Variants in ADAMTS13 observed in about 807,000 individuals in gnomAD.
The protein encoded by ADAMTS13 is ADAM metallopeptidase with thrombospondin type 1 motif 13, also known as A disintegrin and metalloproteinase with thrombospondin motifs 13.
ADAMTS13 carries 110 observed loss-of-function variants against 155.1 expected under a neutral mutation model. The observed-to-expected ratio is 0.71, with a 90% confidence interval of 0.61 to 0.83. ADAMTS13 has a LOEUF of 0.83. Ranked by LOEUF, ADAMTS13 falls within the 40% of genes least tolerant of loss-of-function variation. ADAMTS13 has a pLI of 0.00. For synonymous variants in ADAMTS13, 758 were observed against 756.4 expected (o/e 1.00, Z -0.03); for missense variants, 1,707 against 1,891.7 (o/e 0.90, Z 1.81).
intron 11 of ADAMTS13, among the ~76,000 whole-genome samples, chr9:133,436,587 C>T (rs900622657): frequency 6.6e-6 from 1 of 152,146 alleles, no homozygotes; most frequent in Admixed American, 6.5e-5. Context: ...AATGCTCTTT[C>T]CTGGCTTTCT....
At chr9:133,416,188 A>G (rs2130742854) in intron 1 of ADAMTS13, among the ~76,000 whole-genome samples, 1 of 152,200 alleles carries the variant, frequency 6.6e-6, no homozygotes, top group East Asian at 1.9e-4. Flanking sequence ...TTGCGTGGTG[A>G]GAGAGCAAGC....
chr9:133,440,266 A>C lies in ADAMTS13; in HGVS notation c.1787-78A>C. 267 of 1,563,468 alleles carry C rather than the reference A, an allele frequency of 1.7e-4. No homozygotes were observed. The highest frequency in any genetic ancestry group is 2.0e-4 in the Non-Finnish European group (227 of 1,140,718). ...TAGAGGAGGGCTGGGGACCCCGGGAAGGAGAGTCACTGACATGTGCCTGTG... is the reference window on the plus strand; with the variant it reads ...TAGAGGAGGGCTGGGGACCCCGGGACGGAGAGTCACTGACATGTGCCTGTG... On this transcript the variant is annotated intron_variant, in intron 15 of 28. Coordinates refer to ENST00000355699, the MANE Select transcript of ADAMTS13 (RefSeq NM_139027.6). This position sits in a 1 kb window ranked among gnomAD's most constrained non-coding sequence, Gnocchi z 4.3.
chr9:133,452,793 A>G (rs966303795), intron 23 of ADAMTS13, among the ~76,000 whole-genome samples: 2 of 152,004 alleles, frequency 1.3e-5, no homozygotes, highest in African/African-American at 4.8e-5. Context: ...GCAGGCACAC[A>G]CTACATGAGC....
chr9:133,424,220 C>T lies in ADAMTS13; in HGVS notation c.173-101C>T, dbSNP rs1350263637. Reference sequence around the variant, plus strand: ...GGGGTGACACGCAATGTCTTGACTTCGGAAGGCCATCCTTCCAAGACCTGC... The same window carrying T: ...GGGGTGACACGCAATGTCTTGACTTTGGAAGGCCATCCTTCCAAGACCTGC... On this transcript the variant is annotated intron_variant, in intron 2 of 28. Transcript: ENST00000355699. The surrounding 1 kb of genome is among the most constrained non-coding windows in gnomAD (Gnocchi z 4.3). The T allele has an allele frequency of 8.3e-6, 13 of 1,562,034 alleles. No homozygotes were observed. The highest frequency in any genetic ancestry group is 4.5e-5 in the East Asian group (2 of 44,664).
At chr9:133,457,675 A>G (rs950152371) in intron 27 of ADAMTS13, among the ~76,000 whole-genome samples, 1 of 152,234 alleles carries the variant, frequency 6.6e-6, no homozygotes, top group Non-Finnish European at 1.5e-5. Flanking sequence ...TGCTCAGTGC[A>G]TGCCATTGTT....
chr9:133,423,037 A>G, intron 1 of ADAMTS13, 64 bp from the exon 2 acceptor site: 2 of 1,479,510 alleles, frequency 1.4e-6, no homozygotes, highest in Non-Finnish European at 1.9e-6. Flanking sequence ...CGGTCTCCCC[A>G]AGTGTTAGGA....
Position 133,448,867 on chromosome 9 carries a change from C to T in ADAMTS13, c.2861+139C>T, listed in dbSNP as rs587596368. On this transcript the variant is annotated intron_variant, in intron 22 of 28. Coordinates refer to ENST00000355699, the MANE Select transcript of ADAMTS13 (RefSeq NM_139027.6). Reference sequence around the variant, plus strand: ...CTGTGTGAGGCTGGACCATGGCCGCCCCATCCCCCTGCCTCACTCCAAGTG... The same window carrying T: ...CTGTGTGAGGCTGGACCATGGCCGCTCCATCCCCCTGCCTCACTCCAAGTG... 11 of 1,367,150 alleles carry T rather than the reference C, an allele frequency of 8.0e-6. No individual in the cohort carries two copies. In the East Asian group the frequency reaches 2.8e-4, roughly 35 times the overall value. The allele number at this position is 1,367,150 out of a possible 1,614,324, so 84.7% of individuals were successfully genotyped here.
intron 15 of ADAMTS13, 83 bp downstream of exon 15, chr9:133,439,529 C>G: frequency 2.4e-6 from 3 of 1,262,904 alleles, no homozygotes; most frequent in Non-Finnish European, 3.5e-6. Context: ...TCACTTCTGA[C>G]ATCACCCGCA....
chr9:133,419,200 G>C (rs901126894), upstream of ADAMTS13, among the ~76,000 whole-genome samples: 1 of 152,288 alleles, frequency 6.6e-6, no homozygotes, highest in Middle Eastern at 3.4e-3. Flanking sequence ...TAACAGGGAA[G>C]TGAGGCTCCT....
intron 23 of ADAMTS13, among the ~76,000 whole-genome samples, chr9:133,453,271 C>T (rs1430956363): frequency 6.6e-6 from 1 of 152,246 alleles, no homozygotes; most frequent in Admixed American, 6.5e-5. Context: ...CCTGTCTCTA[C>T]TAAAAATACA....
intron 9 of ADAMTS13, among the ~76,000 whole-genome samples, chr9:133,433,026 T>C (rs1387471346): frequency 6.9e-6 from 1 of 145,678 alleles, no homozygotes; most frequent in Non-Finnish European, 1.5e-5. Context: ...GTAGAGTCCC[T>C]GTGGGTGGGG....
intron 13 of ADAMTS13, 43 bp downstream of exon 13, chr9:133,437,940 G>C: frequency 6.2e-7 from 1 of 1,611,638 alleles, no homozygotes; most frequent in South Asian, 1.1e-5. Context: ...GGGCCTACCT[G>C]TCCTATCGGA....
rs1191990424 is a variant in ADAMTS13, at chr9:133,439,302, T to A, written c.1706-64T>A. 3.9e-6 allele frequency: 5 copies of A among 1,274,982 alleles called. No homozygotes were observed. The Admixed American group carries it at 8.4e-5, about 21-fold the overall frequency. The allele number at this position is 1,274,982 out of a possible 1,614,324, so 79.0% of individuals were successfully genotyped here. ...TTTTTCCCGACCAGCTAAGATCAGC[T>A]CCCTTTGTCTGTGGTGTGGTGGCTG... On this transcript the variant is annotated intron_variant, in intron 14 of 28. Transcript: ENST00000355699.
At position 133,458,100 on chromosome 9, in the gene ADAMTS13, G is replaced by A. The variant is rs782456272; in HGVS notation, c.3909+6G>A. The A allele has an allele frequency of 5.6e-6, 9 of 1,612,710 alleles. No homozygotes were observed. The highest frequency in any genetic ancestry group is 5.0e-5 in the Admixed American group (3 of 59,956). The stretch of plus-strand genomic sequence containing the variant: ...CCAATGCCAGCTACATCTTGGTGAG[G>A]CCCAGCATGGGGACTTGTGCTGTGA... On this transcript the variant is annotated splice_donor_region_variant and intron_variant, in intron 28 of 28. Transcript: ENST00000355699.
At chr9:133,443,603 G>A (rs782464709) in intron 19 of ADAMTS13, 42 bp downstream of exon 19, 1 of 1,508,370 alleles carries the variant, frequency 6.6e-7, no homozygotes. Context: ...GGCCTTCCTG[G>A]CAGAGCTCGT....
intron 1 of ADAMTS13, chr9:133,414,910 C>G: frequency 6.2e-7 from 1 of 1,614,054 alleles, no homozygotes; most frequent in Non-Finnish European, 8.5e-7. Flanking sequence ...GAGGCGAGGT[C>G]TCTTTTTTGT....
rs973881760 is a variant in ADAMTS13 at position 133,444,818 on chromosome 9, G to A, written c.2421-45G>A. ...TAGCAGCTGGGCTATACCTTCCCCT[G>A]GGTGGCAGAGGCAGGGCCTGATGAC... On this transcript the variant is annotated intron_variant, in intron 19 of 28. Coordinates refer to ENST00000355699, the MANE Select transcript of ADAMTS13 (RefSeq NM_139027.6). 1.9e-6 allele frequency: 3 copies of A among 1,602,360 alleles called. No individual in the cohort carries two copies. The African/African-American group carries it at 4.0e-5, about 21-fold the overall frequency.
Position 133,422,422 on chromosome 9 carries a change from C to T in ADAMTS13, c.-22C>T, listed in dbSNP as rs782561704. On this transcript the variant is annotated 5_prime_UTR_variant, in exon 1 of 29. Coordinates refer to ENST00000355699, the MANE Select transcript of ADAMTS13 (RefSeq NM_139027.6). ...AGGCCCCCTCTCACTCCGCTCCACTCCTCGGGCTGGCTCTCCTGAGGATGC... is the reference window on the plus strand; with the variant it reads ...AGGCCCCCTCTCACTCCGCTCCACTTCTCGGGCTGGCTCTCCTGAGGATGC... 9 of 1,610,040 alleles carry T rather than the reference C, an allele frequency of 5.6e-6. No homozygotes were observed. Among genetic ancestry groups the T allele is most frequent in the South Asian group, 5.5e-5 (5 of 91,052 alleles).
At position 133,445,709 on chromosome 9, in the gene ADAMTS13, C is replaced by T; in HGVS notation, c.2621C>T (p.Thr874Ile). The T allele has an allele frequency of 6.2e-7, 1 of 1,613,048 alleles. No homozygotes were observed. Among genetic ancestry groups the T allele is most frequent in the Non-Finnish European group, 8.5e-7 (1 of 1,179,872 alleles). ...TGCTATTCCCCACAGCTGGATGCCA[C>T]CTCTGCAGGGGAGAAGGCTCCCTCC... ...CPPGWGHLDA[T>I]SAGEKAPSPW... Residue 874 changes from threonine (T) to isoleucine (I), a missense_variant, in exon 21 of 29, where the codon ACC becomes ATC. Around this residue, in one of 3 missense-constraint regions of ADAMTS13, gnomAD observed 961 missense variants for 1,107.9 expected, o/e 0.87. Transcript: ENST00000355699. This position sits in a 1 kb window ranked among gnomAD's most constrained non-coding sequence, Gnocchi z 5.0.
Sources: allele counts gnomAD v4.1 joint callset (sites outside exome capture counted in the v4.1 genomes callset), GRCh38; gene constraint gnomAD v4.1.1; regional missense constraint gnomAD v4.1.1; non-coding constraint Gnocchi (gnomAD v3.1); transcripts MANE v1.5; gene names NCBI Gene and HGNC (gene_info 2026-07-23, HGNC 2026-07-21).